ARMH3: variants seen among roughly 807,000 people sequenced by gnomAD.
ARMH3 encodes armadillo like helical domain containing 3, also known as armadillo-like helical domain-containing protein 3.
Under a neutral mutation model 99.1 loss-of-function variants are expected in ARMH3, and 60 were observed. The observed-to-expected ratio is 0.61, with a 90% CI of 0.49 to 0.75. The LOEUF (loss-of-function observed/expected upper bound fraction) is 0.75, where lower values mean the gene tolerates loss of function less well. Ranked by LOEUF, ARMH3 falls within the 30% of genes least tolerant of loss-of-function variation. The probability of loss-of-function intolerance (pLI) is 0.00; values close to 1 mark genes in which losing one functional copy is unlikely to be tolerated. For missense variants in ARMH3, 679 were observed against 843.1 expected (o/e 0.81, Z 2.41); for synonymous variants, 285 against 292.8 (o/e 0.97, Z 0.27).
Position 102,011,735 on chromosome 10 carries a change from A to G in ARMH3, c.819T>C (p.Ala273=), listed in dbSNP as rs1380975492. ...EEEHQSGFFS[A]LTNMVGSMFI... ...AAGCAGGACTTACCATATTTGTTAA[A>G]GCAGAGAAAAAACCACTTTGGTGTT... Residue 273 remains alanine (A), a synonymous_variant, in exon 11 of 26, where the codon GCT becomes GCC. Coordinates refer to ENST00000370033, the MANE Select transcript of ARMH3 (RefSeq NM_024541.3). 1.2e-6 allele frequency: 2 copies of G among 1,608,476 alleles called. No homozygotes were observed. The highest frequency in any genetic ancestry group is 1.7e-5 in the Admixed American group (1 of 59,008).
intron 23 of ARMH3, among the ~76,000 whole-genome samples, chr10:101,907,180 A>G (rs1320660976): frequency 6.6e-6 from 1 of 152,172 alleles, no homozygotes; most frequent in Non-Finnish European, 1.5e-5. Flanking sequence ...TTAAGTTCCT[A>G]TTTAGATACA....
chr10:101,869,943 G>A (rs917550531), intron 24 of ARMH3, among the ~76,000 whole-genome samples: 2 of 152,310 alleles, frequency 1.3e-5, no homozygotes, highest in Non-Finnish European at 2.9e-5. Flanking sequence ...TGAAGCCAGA[G>A]GATCACTTGA....
At chr10:101,950,643 A>G (rs1844742195) in intron 22 of ARMH3, among the ~76,000 whole-genome samples, 1 of 152,254 alleles carries the variant, frequency 6.6e-6, no homozygotes, top group South Asian at 2.1e-4. Flanking sequence ...CTGTTACTTC[A>G]TGGATACAAC....
chr10:101,921,371 C>T (rs956228698), intron 23 of ARMH3, among the ~76,000 whole-genome samples: 1 of 152,256 alleles, frequency 6.6e-6, no homozygotes, highest in African/African-American at 2.4e-5. Context: ...AAAGAAGGGT[C>T]ATGAGGGAAC....
At chr10:101,900,872 C>CCT (rs1314683060) in intron 23 of ARMH3, among the ~76,000 whole-genome samples, 1 of 151,942 alleles carries the variant, frequency 6.6e-6, no homozygotes, top group Non-Finnish European at 1.5e-5. Context: ...TAGCCCTAGC[C>CCT]ATTCATGAGG....
At chr10:101,872,291 AAT>A (rs2067149307) in intron 24 of ARMH3, among the ~76,000 whole-genome samples, 1 of 151,776 alleles carries the variant, frequency 6.6e-6, no homozygotes, top group Non-Finnish European at 1.5e-5. Context: ...CTGCATCAAA[AAT>A]ATATAAAAAC....
At chr10:101,862,048 CA>C (rs34359012) in intron 24 of ARMH3, among the ~76,000 whole-genome samples, 342 of 36,340 alleles carry the variant, frequency 9.4e-3, no homozygotes, top group Non-Finnish European at 0.012. Flanking sequence ...GATTCCCTCT[CA>C]AAAAAAAAAA....
intron 24 of ARMH3, among the ~76,000 whole-genome samples, chr10:101,856,082 C>G (rs1406151688): frequency 2.6e-5 from 4 of 152,056 alleles, no homozygotes. Context: ...CTTGCTTCTC[C>G]TAAGAAGTTT....
At chr10:101,984,063 A>G (rs1846348687) in intron 19 of ARMH3, among the ~76,000 whole-genome samples, 1 of 152,178 alleles carries the variant, frequency 6.6e-6, no homozygotes, top group African/African-American at 2.4e-5. Context: ...GCTATCTGCT[A>G]CAGAACTGAT....
intron 2 of ARMH3, among the ~76,000 whole-genome samples, chr10:102,034,878 A>C (rs1482607766): frequency 5.9e-5 from 9 of 151,902 alleles, no homozygotes; most frequent in Non-Finnish European, 1.2e-4. Flanking sequence ...ATTGCACTCC[A>C]CCCTGGGCAA....
At chr10:101,946,776 C>T (rs1844550721) in intron 22 of ARMH3, among the ~76,000 whole-genome samples, 1 of 151,976 alleles carries the variant, frequency 6.6e-6, no homozygotes, top group Non-Finnish European at 1.5e-5. Context: ...CTAAAGACTT[C>T]CCCAAATTTG....
intron 19 of ARMH3, among the ~76,000 whole-genome samples, chr10:101,983,659 A>G (rs1030942613): frequency 6.6e-6 from 1 of 152,214 alleles, no homozygotes; most frequent in Admixed American, 6.5e-5. Context: ...GGCCTACAGG[A>G]AGGCGAACAA....
chr10:101,950,189 C>T (rs1037296256), intron 22 of ARMH3, among the ~76,000 whole-genome samples: 2 of 152,138 alleles, frequency 1.3e-5, no homozygotes, highest in Non-Finnish European at 2.9e-5. Context: ...AGGCACACAA[C>T]ATTCACATAC....
chr10:101,946,071 C>CAAAAAAAAAAAAAAAA (rs569179050), intron 22 of ARMH3, among the ~76,000 whole-genome samples: 10 of 34,486 alleles, frequency 2.9e-4, no homozygotes, highest in African/African-American at 1.9e-3. Context: ...GACTCTGCCT[C>CAAAAAAAAAAAAAAAA]AAAAAAAAAA....
intron 1 of ARMH3, among the ~76,000 whole-genome samples, chr10:102,051,508 G>C (rs2067707185): frequency 6.6e-6 from 1 of 151,700 alleles, no homozygotes; most frequent in African/African-American, 2.4e-5. Context: ...AAAGAAAGAA[G>C]TCAGTCAACT....
At chr10:101,996,574 C>T (rs1038858858) in intron 15 of ARMH3, among the ~76,000 whole-genome samples, 72 of 152,284 alleles carry the variant, frequency 4.7e-4, no homozygotes, top group African/African-American at 1.4e-3. Context: ...CTTCTACCCA[C>T]CTTTAGCCAG....
At chr10:102,007,087 G>C (rs1454959132) in intron 13 of ARMH3, among the ~76,000 whole-genome samples, 1 of 147,184 alleles carries the variant, frequency 6.8e-6, no homozygotes, top group African/African-American at 2.5e-5. Flanking sequence ...CTTGAACCCA[G>C]GAGGCGGAGG....
chr10:101,878,253 G>A (rs2067317742), intron 24 of ARMH3, among the ~76,000 whole-genome samples: 1 of 152,174 alleles, frequency 6.6e-6, no homozygotes, highest in South Asian at 2.1e-4. Flanking sequence ...GAGAGACTCT[G>A]TTTCAAAAAT....
chr10:101,988,472 T>G (rs539686458), intron 19 of ARMH3, among the ~76,000 whole-genome samples: 1 of 152,326 alleles, frequency 6.6e-6, no homozygotes, highest in African/African-American at 2.4e-5. Flanking sequence ...AAAAAGCAAC[T>G]GTTCATGGTC....
Sources: gnomAD v4.1 joint callset for allele counts (sites outside exome capture counted in the v4.1 genomes callset) on GRCh38, gnomAD v4.1.1 for gene constraint, MANE v1.5 for transcripts, NCBI Gene and HGNC (gene_info 2026-07-23, HGNC 2026-07-21) for gene names.